The following NKAIN2 variants were observed in gnomAD, a reference collection of about 807,000 sequenced individuals.
NKAIN2 encodes the protein sodium/potassium transporting ATPase interacting 2.
In NKAIN2, 14 loss-of-function variants were observed where a neutral mutation model predicts 32.6. That is an observed-to-expected ratio of 0.43 (90% CI 0.28 to 0.67). The LOEUF (loss-of-function observed/expected upper bound fraction) is 0.67, where lower values mean the gene tolerates loss of function less well. NKAIN2 is among the 30% of genes least tolerant of loss of function. The pLI is 0.17. For synonymous variants in NKAIN2, 80 were observed against 87.2 expected (o/e 0.92, Z 0.46); for missense variants, 198 against 258.3 (o/e 0.77, Z 1.60).
intron 2 of NKAIN2, among the ~76,000 whole-genome samples, chr6:124,338,460 C>T (rs762266602): frequency 6.6e-6 from 1 of 152,122 alleles, no homozygotes; most frequent in Non-Finnish European, 1.5e-5. Context: ...CACCGTCATA[C>T]TGATGATGAT....
chr6:124,489,139 A>T (rs935010720), intron 3 of NKAIN2, among the ~76,000 whole-genome samples: 1 of 151,980 alleles, frequency 6.6e-6, no homozygotes, highest in Non-Finnish European at 1.5e-5. Flanking sequence ...TTTAAAGAAT[A>T]CAAAATTAAT....
At chr6:124,655,105 T>C (rs1237230994) in intron 3 of NKAIN2, among the ~76,000 whole-genome samples, 1 of 152,126 alleles carries the variant, frequency 6.6e-6, no homozygotes, top group East Asian at 1.9e-4. Flanking sequence ...CCATCCAATA[T>C]ATTATAAATA....
chr6:124,513,590 G>A (rs1778797376), intron 3 of NKAIN2, among the ~76,000 whole-genome samples: 1 of 152,080 alleles, frequency 6.6e-6, no homozygotes, highest in South Asian at 2.1e-4. Context: ...ATAGCATCAA[G>A]AACCATGCTT....
intron 1 of NKAIN2, among the ~76,000 whole-genome samples, chr6:124,264,061 T>G (rs137900098): frequency 2.3e-3 from 349 of 152,320 alleles, no homozygotes; most frequent in African/African-American, 8.0e-3. Flanking sequence ...TTAATAGGTG[T>G]TAGACTTCCC....
intron 1 of NKAIN2, among the ~76,000 whole-genome samples, chr6:124,105,645 C>T (rs571241134): frequency 7.2e-5 from 11 of 152,234 alleles, no homozygotes; most frequent in African/African-American, 2.4e-4. Flanking sequence ...GGGCTCATAG[C>T]CAGTCATCTC....
intron 1 of NKAIN2, among the ~76,000 whole-genome samples, chr6:124,186,907 A>G (rs1789771269): frequency 6.6e-6 from 1 of 152,170 alleles, no homozygotes. Context: ...GCTGATTTTT[A>G]TAATCCTTCT....
At chr6:124,538,244 T>A (rs1284627423) in intron 3 of NKAIN2, among the ~76,000 whole-genome samples, 1 of 152,090 alleles carries the variant, frequency 6.6e-6, no homozygotes, top group Non-Finnish European at 1.5e-5. Flanking sequence ...TATTATTATT[T>A]TTTTTGGTAA....
intron 4 of NKAIN2, among the ~76,000 whole-genome samples, chr6:124,697,060 A>G (rs1020991486): frequency 6.6e-6 from 1 of 152,316 alleles, no homozygotes; most frequent in Non-Finnish European, 1.5e-5. Context: ...AATAAAAATC[A>G]TAATATTAAT....
At chr6:123,953,485 A>G (rs1777419127) in intron 1 of NKAIN2, among the ~76,000 whole-genome samples, 1 of 152,112 alleles carries the variant, frequency 6.6e-6, no homozygotes, top group Non-Finnish European at 1.5e-5. Flanking sequence ...TCTGGGTCCC[A>G]AGTGGTCCAT....
chr6:123,862,208 A>T (rs1322951951), intron 1 of NKAIN2, among the ~76,000 whole-genome samples: 1 of 152,182 alleles, frequency 6.6e-6, no homozygotes, highest in Non-Finnish European at 1.5e-5. Context: ...CAGAAAATAT[A>T]TGAAGCATTT....
At chr6:124,667,607 T>C (rs1311098075) in intron 4 of NKAIN2, among the ~76,000 whole-genome samples, 1 of 152,114 alleles carries the variant, frequency 6.6e-6, no homozygotes, top group Non-Finnish European at 1.5e-5. Context: ...GATCAGTTAT[T>C]ATGATACAAA....
intron 3 of NKAIN2, among the ~76,000 whole-genome samples, chr6:124,614,178 G>A (rs1247352038): frequency 6.6e-6 from 1 of 152,180 alleles, no homozygotes; most frequent in Non-Finnish European, 1.5e-5. Context: ...TGGATAACTT[G>A]AGGTCAGGAG....
chr6:124,577,625 T>C (rs1254290325), intron 3 of NKAIN2, among the ~76,000 whole-genome samples: 3 of 152,114 alleles, frequency 2.0e-5, no homozygotes, highest in Non-Finnish European at 4.4e-5. Context: ...TGAAAGGCAG[T>C]GTAGGCCACA....
chr6:124,303,738 G>A lies in NKAIN2; in HGVS notation c.192+20596G>A, dbSNP rs139634124. Among the ~76,000 whole-genome samples the A allele has an allele frequency of 5.9e-5, 9 of 152,258 alleles. No individual in the cohort carries two copies. The East Asian group carries it at 1.5e-3, about 26-fold the overall frequency. ...TAATCAATCTGGAGACAATATAAAG[G>A]GTTAATAAAAGGGGAGAAGCACCTG... On this transcript the variant is annotated intron_variant, in intron 2 of 6. Coordinates refer to ENST00000368417, the MANE Select transcript of NKAIN2 (RefSeq NM_001040214.3).
chr6:124,018,139 T>G (rs895475291), intron 1 of NKAIN2, among the ~76,000 whole-genome samples: 1 of 152,314 alleles, frequency 6.6e-6, no homozygotes, highest in Middle Eastern at 3.4e-3. Context: ...CTGTCAAAGC[T>G]TGGGGCTTCC....
chr6:124,537,429 T>C (rs549651759), intron 3 of NKAIN2, among the ~76,000 whole-genome samples: 76 of 152,344 alleles, frequency 5.0e-4, no homozygotes, highest in African/African-American at 1.8e-3. Context: ...ACAAGTTGTT[T>C]TCCTTTTTCC....
intron 2 of NKAIN2, among the ~76,000 whole-genome samples, chr6:124,342,913 G>A (rs1217337705): frequency 6.6e-6 from 1 of 151,542 alleles, no homozygotes; most frequent in African/African-American, 2.4e-5. Flanking sequence ...CATGTGCCAT[G>A]TTGGTGTGCT....
intron 1 of NKAIN2, among the ~76,000 whole-genome samples, chr6:123,842,448 A>C (rs1774911488): frequency 6.6e-6 from 1 of 152,076 alleles, no homozygotes; most frequent in Admixed American, 6.5e-5. Context: ...TATCCTTATG[A>C]CCTTGTTTAA....
intron 4 of NKAIN2, among the ~76,000 whole-genome samples, chr6:124,763,096 A>C (rs771802505): frequency 6.6e-6 from 1 of 152,224 alleles, no homozygotes; most frequent in Non-Finnish European, 1.5e-5. Flanking sequence ...AATCTAAAAA[A>C]GTTGAACTTA....
Sources: allele counts gnomAD v4.1 joint callset (sites outside exome capture counted in the v4.1 genomes callset), GRCh38; gene constraint gnomAD v4.1.1; transcripts MANE v1.5; gene names NCBI Gene and HGNC (gene_info 2026-07-23, HGNC 2026-07-21).